The following NFIB variants were observed in gnomAD, a reference collection of about 807,000 sequenced individuals.
The protein encoded by NFIB is nuclear factor I B.
In NFIB, 11 loss-of-function variants were observed where a neutral mutation model predicts 61.5. That is an observed-to-expected ratio of 0.18 (90% confidence interval 0.11 to 0.30). The LOEUF (loss-of-function observed/expected upper bound fraction) is 0.30, where lower values mean the gene tolerates loss of function less well. NFIB is among the 10% of genes least tolerant of loss of function. The pLI is 1.00. For synonymous variants in NFIB, 260 were observed against 216.5 expected (o/e 1.20, Z -1.76); for missense variants, 471 against 608.9 (o/e 0.77, Z 2.38).
At chr9:14,133,259 G>T (rs1373929499) in intron 6 of NFIB, among the ~76,000 whole-genome samples, 1 of 152,022 alleles carries the variant, frequency 6.6e-6, no homozygotes, top group East Asian at 1.9e-4. Flanking sequence ...TCATTGCTGG[G>T]TGAAGGCAAA....
At chr9:14,384,097 C>A (rs1471406485) in intron 1 of NFIB, among the ~76,000 whole-genome samples, 2 of 152,168 alleles carry the variant, frequency 1.3e-5, no homozygotes, top group African/African-American at 4.8e-5. Flanking sequence ...CTTCTTTGCA[C>A]CTTCTTTTAA....
intron 2 of NFIB, among the ~76,000 whole-genome samples, chr9:14,214,087 G>A (rs1316922597): frequency 5.3e-5 from 8 of 151,892 alleles, no homozygotes; most frequent in Non-Finnish European, 1.0e-4. Context: ...TCCCCACTCT[G>A]CTCCCCAAAT....
the NFIB span, among the ~76,000 whole-genome samples, chr9:14,416,358 T>C: frequency 6.6e-6 from 1 of 152,188 alleles, no homozygotes; most frequent in Non-Finnish European, 1.5e-5. Context: ...GAAGGCATTG[T>C]TAACATAGGA....
the NFIB span, among the ~76,000 whole-genome samples, chr9:14,438,765 C>T: frequency 8.5e-5 from 13 of 152,064 alleles, no homozygotes; most frequent in Non-Finnish European, 1.5e-4. Context: ...GGGGCTGATC[C>T]ATTAATGATA....
At chr9:14,437,927 C>T in the NFIB span, among the ~76,000 whole-genome samples, 1 of 152,210 alleles carries the variant, frequency 6.6e-6, no homozygotes, top group African/African-American at 2.4e-5. Flanking sequence ...GGGAACCCCC[C>T]TGCAATGAAG....
At chr9:14,471,758 T>C in the NFIB span, among the ~76,000 whole-genome samples, 6 of 152,220 alleles carry the variant, frequency 3.9e-5, no homozygotes, top group African/African-American at 1.4e-4. Context: ...TCCATCACTT[T>C]ACCAAGCTAA....
the NFIB span, among the ~76,000 whole-genome samples, chr9:14,515,231 G>A: frequency 1.3e-5 from 2 of 152,104 alleles, no homozygotes; most frequent in Non-Finnish European, 2.9e-5. Context: ...GCATAGGGAA[G>A]ACCCCGTGGG....
intron 2 of NFIB, among the ~76,000 whole-genome samples, chr9:14,272,024 T>G (rs1563963438): frequency 6.6e-6 from 1 of 152,182 alleles, no homozygotes; most frequent in Non-Finnish European, 1.5e-5. Flanking sequence ...AGACTAGTAT[T>G]TTTAAAAGGC....
At chr9:14,160,634 C>T (rs1752787053) in intron 3 of NFIB, among the ~76,000 whole-genome samples, 1 of 151,938 alleles carries the variant, frequency 6.6e-6, no homozygotes, top group South Asian at 2.1e-4. Flanking sequence ...GGTAGCATAA[C>T]CAATATATTC....
the NFIB span, among the ~76,000 whole-genome samples, chr9:14,473,690 T>C: frequency 2.5e-4 from 38 of 152,334 alleles, no homozygotes; most frequent in East Asian, 4.8e-3. Context: ...TCCATGTGTA[T>C]ACTACAAGGC....
At chr9:14,432,110 G>A in the NFIB span, among the ~76,000 whole-genome samples, 1 of 152,276 alleles carries the variant, frequency 6.6e-6, no homozygotes, top group African/African-American at 2.4e-5. Context: ...CTCTCCCCAT[G>A]TACACAGTTG....
chr9:14,109,086 G>C (rs2036971597), intron 10 of NFIB, among the ~76,000 whole-genome samples: 1 of 151,994 alleles, frequency 6.6e-6, no homozygotes, highest in Non-Finnish European at 1.5e-5. Flanking sequence ...TTCTATGATA[G>C]CAAAGGAAAG....
At chr9:14,385,452 A>C (rs1265715765) in intron 1 of NFIB, among the ~76,000 whole-genome samples, 2 of 152,230 alleles carry the variant, frequency 1.3e-5, no homozygotes, top group Non-Finnish European at 2.9e-5. Flanking sequence ...TATTTGTAAA[A>C]TTATCTCTGC....
the NFIB span, among the ~76,000 whole-genome samples, chr9:14,459,852 A>C: frequency 3.3e-5 from 5 of 151,116 alleles, no homozygotes; most frequent in African/African-American, 1.2e-4. Context: ...GGCGATCATT[A>C]AAAAGTCAGG....
At chr9:14,355,783 T>C (rs964992844) in intron 1 of NFIB, among the ~76,000 whole-genome samples, 3 of 152,124 alleles carry the variant, frequency 2.0e-5, no homozygotes, top group African/African-American at 7.2e-5. Flanking sequence ...GGTGAAACCC[T>C]GTCTCTACTA....
chr9:14,342,068 A>C (rs2132876655), intron 1 of NFIB, among the ~76,000 whole-genome samples: 1 of 152,260 alleles, frequency 6.6e-6, no homozygotes, highest in East Asian at 1.9e-4. Flanking sequence ...CTCCCTTCTT[A>C]AGCTTTTTGG....
At chr9:14,152,508 A>G (rs2042973753) in intron 4 of NFIB, among the ~76,000 whole-genome samples, 1 of 152,090 alleles carries the variant, frequency 6.6e-6, no homozygotes, top group Non-Finnish European at 1.5e-5. Flanking sequence ...GCTTCCTATC[A>G]CAGTAATGGA....
At chr9:14,406,638 T>C in the NFIB span, among the ~76,000 whole-genome samples, 4 of 152,168 alleles carry the variant, frequency 2.6e-5, no homozygotes, top group Non-Finnish European at 4.4e-5. Context: ...AGGTGGTATT[T>C]CCTCTCTCAT....
chr9:14,209,614 G>A (rs759965697), intron 2 of NFIB, among the ~76,000 whole-genome samples: 5 of 152,200 alleles, frequency 3.3e-5, no homozygotes, highest in South Asian at 2.1e-4. Flanking sequence ...GTATGGAAAC[G>A]TCACTTTGGA....
Sources: gnomAD v4.1 joint callset for allele counts (sites outside exome capture counted in the v4.1 genomes callset) on GRCh38, gnomAD v4.1.1 for gene constraint, MANE v1.5 for transcripts, NCBI Gene and HGNC (gene_info 2026-07-23, HGNC 2026-07-21) for gene names.